ATP5MC2: variants seen among roughly 807,000 people sequenced by gnomAD.
The protein encoded by ATP5MC2 is ATP synthase membrane subunit c locus 2.
In ATP5MC2, 11 loss-of-function variants were observed where a neutral mutation model predicts 13.5. That is an observed-to-expected ratio of 0.81 (90% CI 0.51 to 1.35). The LOEUF (loss-of-function observed/expected upper bound fraction) is 1.35, where lower values mean the gene tolerates loss of function less well. ATP5MC2 is among the 40% of genes most tolerant of loss of function. The pLI is 0.00. For synonymous variants in ATP5MC2, 64 were observed against 69.7 expected, an observed-to-expected ratio of 0.92 and a Z score of 0.41; for missense variants, 132 against 175.0, an observed-to-expected ratio of 0.75 and a Z score of 1.39.
At chr12:53,680,779 A>G (rs889159136), upstream of ATP5MC2, among the ~76,000 whole-genome samples, 2 of 152,228 alleles carry the variant, frequency 1.3e-5, no homozygotes, top group African/African-American at 2.4e-5. Flanking sequence ...AGCATCTCCT[A>G]TGTGCTAGGC....
At chr12:53,667,775 G>A (rs973501558) in intron 4 of ATP5MC2, among the ~76,000 whole-genome samples, 4 of 151,542 alleles carry the variant, frequency 2.6e-5, no homozygotes, top group East Asian at 2.0e-4. Context: ...GATTATAGGC[G>A]TAAGGCACCA....
intron 1 of ATP5MC2, among the ~76,000 whole-genome samples, chr12:53,675,527 C>A (rs994099454): frequency 6.6e-6 from 1 of 152,202 alleles, no homozygotes; most frequent in African/African-American, 2.4e-5. Flanking sequence ...TTTTTTCCCA[C>A]TTCTACCATG....
In ATP5MC2 at chr12:53,675,960, C is replaced by A. The variant is rs983007907; in HGVS notation, c.-32+93G>T. On this transcript the variant is annotated intron_variant, in intron 1 of 4. Coordinates refer to ENST00000394349, the MANE Select transcript of ATP5MC2 (RefSeq NM_005176.7). ...AAGGGCGAGAGGACCAGGGTGGGAG[C>A]ACGCAAGGTAAGCGCCTCAAAGCAT... 3.3e-6 allele frequency: 5 copies of A among 1,524,074 alleles called. No individual in the cohort carries two copies. In the African/African-American group the frequency reaches 6.9e-5, roughly 21 times the overall value. The allele number at this position is 1,524,074 out of a possible 1,614,324, so 94.4% of individuals were successfully genotyped here. A position where few individuals can be genotyped will look rare whatever the true frequency, so the allele number is the denominator to read the frequency against.
intron 2 of ATP5MC2, among the ~76,000 whole-genome samples, chr12:53,671,317 A>T (rs894701908): frequency 6.6e-6 from 1 of 152,222 alleles, no homozygotes; most frequent in African/African-American, 2.4e-5. Flanking sequence ...CTTGGGGTTG[A>T]TTTGAAGAGT....
Position 53,667,554 on chromosome 12 carries a change from T to C in ATP5MC2, c.311+1594A>G, listed in dbSNP as rs1036486866. On this transcript the variant is annotated intron_variant, in intron 4 of 4. Coordinates refer to ENST00000394349, the MANE Select transcript of ATP5MC2 (RefSeq NM_005176.7). The stretch of plus-strand genomic sequence containing the variant: ...CTCTTTTGCCCAGGCTGGAGTGCAG[T>C]GGCGTGATCTCTACTCACTGCAACC... 2.0e-5 allele frequency among the ~76,000 whole-genome samples: 3 copies of C among 152,058 alleles called. No homozygotes were observed. In the South Asian group the frequency reaches 6.2e-4, roughly 32 times the overall value.
rs184773093 is a variant in ATP5MC2, at chr12:53,673,275, C to T, written c.-31-630G>A. On this transcript the variant is annotated intron_variant, in intron 1 of 4. Coordinates refer to ENST00000394349, the MANE Select transcript of ATP5MC2 (RefSeq NM_005176.7). ...CGGAGGTTGCAGTGAGACGAGACCA[C>T]GCCACTGCACTCCAGCCTGGGTGAC... is the stretch of plus-strand genomic sequence containing the variant. 1,239 of 153,004 alleles carry T rather than the reference C, an allele frequency of 8.1e-3. 9 individuals carry two copies. The highest frequency in any genetic ancestry group is 0.013 in the Non-Finnish European group (869 of 68,626). 9.5% of individuals were successfully genotyped at this position (153,004 alleles called of 1,614,324 possible).
intron 1 of ATP5MC2, among the ~76,000 whole-genome samples, chr12:53,675,074 G>C (rs1945224838): frequency 1.3e-5 from 2 of 152,114 alleles, no homozygotes; most frequent in South Asian, 4.1e-4. Flanking sequence ...CCCACCATTG[G>C]CTATCTAACC....
At chr12:53,679,385 G>T (rs866994788), upstream of ATP5MC2, among the ~76,000 whole-genome samples, 9 of 152,306 alleles carry the variant, frequency 5.9e-5, no homozygotes, top group South Asian at 2.1e-4. Context: ...GATACTTTAT[G>T]ATGTGTTTTG....
rs765199065 is a variant in ATP5MC2, at chr12:53,665,371, C to G, written c.369G>C (p.Ser123=). ...TCAGACAAAAGAGCCCCATGGCCTC[C>G]GAGAGGGCAAAGCCCAGAATGGCGT... ...FSYAILGFAL[S]EAMGLFCLMV... is the part of the protein sequence containing the mutation. Residue 123 remains serine, a synonymous_variant, in exon 5 of 5, where the codon TCG becomes TCC. Coordinates refer to ENST00000394349, the MANE Select transcript of ATP5MC2 (RefSeq NM_005176.7). 6.2e-7 allele frequency: 1 copy of G among 1,613,956 alleles called. No homozygotes were observed. Among genetic ancestry groups the G allele is most frequent in the Non-Finnish European group, 8.5e-7 (1 of 1,180,000 alleles).
At chr12:53,676,440 A>C (rs760570469), upstream of ATP5MC2, 4 of 502,722 alleles carry the variant, frequency 8.0e-6, no homozygotes, top group Non-Finnish European at 1.4e-5. Context: ...GTGTTAACAT[A>C]CGGTCGGGAT....
At chr12:53,667,140 T>A (rs1266670397) in intron 4 of ATP5MC2, among the ~76,000 whole-genome samples, 1 of 152,222 alleles carries the variant, frequency 6.6e-6, no homozygotes, top group Non-Finnish European at 1.5e-5. Context: ...GCAGTCAGAC[T>A]TCTTGTTTAA....
chr12:53,666,399 C>G lies in ATP5MC2; in HGVS notation c.312-971G>C, dbSNP rs60681460. Among the ~76,000 whole-genome samples, 1,410 of 152,018 alleles carry G rather than the reference C, an allele frequency of 9.3e-3. 21 individuals are homozygous for G. The highest frequency in any genetic ancestry group is 0.029 in the East Asian group (148 of 5,148). On this transcript the variant is annotated intron_variant, in intron 4 of 4. Coordinates refer to ENST00000394349, the MANE Select transcript of ATP5MC2 (RefSeq NM_005176.7). ...GAGACCATCCTAGCTAATACGGTGA[C>G]ACCCTGTCTCTACTAAAAATACAAA... is the stretch of plus-strand genomic sequence containing the variant.
chr12:53,672,414 G>A (rs1164928642), intron 2 of ATP5MC2, among the ~76,000 whole-genome samples, 162 bp downstream of exon 2: 4 of 152,034 alleles, frequency 2.6e-5, no homozygotes, highest in Non-Finnish European at 5.9e-5. Flanking sequence ...TAGAGATGGG[G>A]TTTCGCCATG....
intron 2 of ATP5MC2, 57 bp downstream of exon 2, chr12:53,672,519 A>C (rs1945130840): frequency 6.7e-7 from 1 of 1,490,106 alleles, no homozygotes; most frequent in Non-Finnish European, 9.2e-7. Context: ...GGTCTGATGG[A>C]AAGAGAGAGA....
At chr12:53,675,018 T>C (rs539888626) in intron 1 of ATP5MC2, among the ~76,000 whole-genome samples, 4 of 152,310 alleles carry the variant, frequency 2.6e-5, no homozygotes, top group African/African-American at 9.6e-5. Flanking sequence ...TTTAATGTGG[T>C]GCTGGCATAT....
chr12:53,676,699 C>T (rs1945286657), upstream of ATP5MC2: 1 of 164,544 alleles, frequency 6.1e-6, no homozygotes, highest in African/African-American at 2.4e-5. Context: ...ATCCGAATCC[C>T]TCTTTCCTGG....
chr12:53,669,058 G>A lies in ATP5MC2; in HGVS notation c.311+90C>T, dbSNP rs570416033. 4,345 of 1,472,944 alleles carry A rather than the reference G, an allele frequency of 2.9e-3. 17 individuals carry two copies. The highest frequency in any genetic ancestry group is 3.6e-3 in the Middle Eastern group (18 of 5,054). The allele number at this position is 1,472,944 out of a possible 1,614,324, so 91.2% of individuals were successfully genotyped here. A position where few individuals can be genotyped will look rare whatever the true frequency, so the allele number is the denominator to read the frequency against. ...AAACAACATGTAGCTAGTGGCTACA[G>A]TGTGGGATAGTATAGTTCTAGACCC... On this transcript the variant is annotated intron_variant, in intron 4 of 4. Coordinates refer to ENST00000394349, the MANE Select transcript of ATP5MC2 (RefSeq NM_005176.7).
chr12:53,677,516 C>G (rs960923268), upstream of ATP5MC2: 2 of 152,226 alleles, frequency 1.3e-5, no homozygotes, highest in Admixed American at 6.5e-5. Context: ...TATTTCACAC[C>G]GATCCTCCAT....
upstream of ATP5MC2, among the ~76,000 whole-genome samples, chr12:53,678,000 T>A (rs1945315532): frequency 2.0e-5 from 3 of 152,060 alleles, no homozygotes; most frequent in Admixed American, 2.0e-4. Context: ...ATTTAGACAC[T>A]CAGATATGGC....
Sources: gnomAD v4.1 joint callset for allele counts (sites outside exome capture counted in the v4.1 genomes callset) on GRCh38, gnomAD v4.1.1 for gene constraint, MANE v1.5 for transcripts, NCBI Gene and HGNC (gene_info 2026-07-23, HGNC 2026-07-21) for gene names.